LRMDA: variants seen among roughly 807,000 people sequenced by gnomAD.
LRMDA encodes the protein leucine rich melanocyte differentiation associated.
A neutral mutation model predicts 29.8 loss-of-function variants in LRMDA; 18 were observed. The ratio of observed to expected loss-of-function variants is 0.60; its 90% CI spans 0.42 to 0.90. The LOEUF is 0.90. Among genes scored for constraint, LRMDA ranks in the 40% least tolerant of loss-of-function variants. LRMDA has a pLI of 0.00. For synonymous variants in LRMDA, 125 were observed against 109.4 expected, an observed-to-expected ratio of 1.14 and a Z score of -0.89; for missense variants, 273 against 273.9, an observed-to-expected ratio of 1.00 and a Z score of 0.02.
intron 5 of LRMDA, among the ~76,000 whole-genome samples, chr10:76,087,067 T>A (rs781419968): frequency 4.6e-5 from 7 of 152,048 alleles, no homozygotes; most frequent in Non-Finnish European, 1.0e-4. Flanking sequence ...TCTTGGAAAA[T>A]CATCTCCCAG....
chr10:76,221,253 T>G (rs1176598533), intron 5 of LRMDA, among the ~76,000 whole-genome samples: 1 of 152,120 alleles, frequency 6.6e-6, no homozygotes. Flanking sequence ...TTCAACATAG[T>G]GTTGGAAGTT....
intron 2 of LRMDA, among the ~76,000 whole-genome samples, chr10:75,546,980 GA>G (rs1840088577): frequency 6.6e-6 from 1 of 152,152 alleles, no homozygotes; most frequent in Non-Finnish European, 1.5e-5. Context: ...GTGGAGCTAG[GA>G]TTGGCTCCAA....
chr10:76,466,634 A>C (rs1842567173), intron 6 of LRMDA, among the ~76,000 whole-genome samples: 1 of 152,076 alleles, frequency 6.6e-6, no homozygotes, highest in African/African-American at 2.4e-5. Flanking sequence ...CTACTCTACA[A>C]AAAGGACAAA....
intron 6 of LRMDA, among the ~76,000 whole-genome samples, chr10:76,334,864 A>C (rs1198010559): frequency 6.6e-6 from 1 of 152,180 alleles, no homozygotes; most frequent in Non-Finnish European, 1.5e-5. Flanking sequence ...TAGGAGATGA[A>C]AAAGAAGCTG....
At chr10:76,307,288 T>C (rs536815489) in intron 5 of LRMDA, among the ~76,000 whole-genome samples, 13 of 152,150 alleles carry the variant, frequency 8.5e-5, no homozygotes, top group Non-Finnish European at 1.2e-4. Context: ...GGGGAGGGTT[T>C]TCTGGAGGTG....
intron 5 of LRMDA, among the ~76,000 whole-genome samples, chr10:76,132,467 G>A (rs1197324278): frequency 1.3e-5 from 2 of 152,062 alleles, no homozygotes; most frequent in African/African-American, 2.4e-5. Flanking sequence ...ATATTCATAC[G>A]AATGACCCTA....
At chr10:75,605,184 A>G (rs147336482) in intron 2 of LRMDA, among the ~76,000 whole-genome samples, 18 of 152,352 alleles carry the variant, frequency 1.2e-4, no homozygotes, top group African/African-American at 2.2e-4. Flanking sequence ...GACTGGGAAT[A>G]TAGAGACTTG....
At chr10:76,142,829 T>G (rs1033305395) in intron 5 of LRMDA, among the ~76,000 whole-genome samples, 1 of 151,560 alleles carries the variant, frequency 6.6e-6, no homozygotes, top group Non-Finnish European at 1.5e-5. Flanking sequence ...CTCCTAATGC[T>G]ATCCTTCCCC....
intron 2 of LRMDA, among the ~76,000 whole-genome samples, chr10:75,690,994 T>TACAC (rs3041682): frequency 0.032 from 3,179 of 99,950 alleles, 63 homozygotes; most frequent in East Asian, 0.061. Flanking sequence ...TATATATATA[T>TACAC]ACACACACAC....
intron 5 of LRMDA, among the ~76,000 whole-genome samples, chr10:76,220,710 C>T (rs1039562622): frequency 6.6e-6 from 1 of 152,214 alleles, no homozygotes; most frequent in Non-Finnish European, 1.5e-5. Flanking sequence ...GAACTGGTAC[C>T]ATTCCTTCTG....
intron 2 of LRMDA, among the ~76,000 whole-genome samples, chr10:75,509,208 C>G (rs759773482): frequency 9.2e-5 from 14 of 152,066 alleles, no homozygotes; most frequent in Non-Finnish European, 1.8e-4. Flanking sequence ...CTACCCCGTT[C>G]GTGGTGCAGT....
rs56145957 is a variant in LRMDA, at chr10:76,091,276, C to CGTGTGTGT, written c.516+32528_516+32535dup. 1.1e-3 allele frequency among the ~76,000 whole-genome samples: 158 copies of CGTGTGTGT among 146,904 alleles called. 1 individual carries two copies. The South Asian group carries it at 0.012, about 11-fold the overall frequency. On this transcript the variant is annotated intron_variant, in intron 5 of 6. Coordinates refer to ENST00000611255, the MANE Select transcript of LRMDA (RefSeq NM_001305581.2). ...GTTCTCCTGAAATAAACATGGTGGA[C>CGTGTGTGT]GTGTGTGTGTGTGTGTGTGTGTGTG...
intron 2 of LRMDA, among the ~76,000 whole-genome samples, chr10:75,503,086 A>G (rs1845132778): frequency 2.0e-5 from 3 of 152,192 alleles, no homozygotes; most frequent in Non-Finnish European, 4.4e-5. Context: ...AGCCTTTTTA[A>G]TGCTCACCAT....
chr10:75,976,061 T>G (rs80177106), intron 2 of LRMDA, among the ~76,000 whole-genome samples: 237 of 152,362 alleles, frequency 1.6e-3, no homozygotes, highest in African/African-American at 5.4e-3. Context: ...GTCACTCTCT[T>G]GCTGAATTCC....
At chr10:76,484,803 C>T (rs1243523452) in intron 6 of LRMDA, among the ~76,000 whole-genome samples, 5 of 151,450 alleles carry the variant, frequency 3.3e-5, no homozygotes, top group African/African-American at 1.2e-4. Context: ...TACTTTTTTG[C>T]CTCATGTATT....
At chr10:76,296,257 TAATA>T (rs894254855) in intron 5 of LRMDA, among the ~76,000 whole-genome samples, 1 of 152,220 alleles carries the variant, frequency 6.6e-6, no homozygotes, top group African/African-American at 2.4e-5. Flanking sequence ...TTCTAAACCC[TAATA>T]ACCCCTTGTC....
chr10:75,550,111 G>A (rs750843459), intron 2 of LRMDA, among the ~76,000 whole-genome samples: 5 of 152,148 alleles, frequency 3.3e-5, no homozygotes, highest in Admixed American at 6.6e-5. Context: ...CATTTGCTCA[G>A]AAACTAGTCT....
At chr10:76,383,848 G>C (rs2132475084) in intron 6 of LRMDA, among the ~76,000 whole-genome samples, 1 of 152,284 alleles carries the variant, frequency 6.6e-6, no homozygotes, top group South Asian at 2.1e-4. Context: ...TCTCCTCAGA[G>C]AGGTCTTCTG....
intron 2 of LRMDA, among the ~76,000 whole-genome samples, chr10:75,533,215 C>A (rs958759481): frequency 6.6e-6 from 1 of 152,172 alleles, no homozygotes; most frequent in African/African-American, 2.4e-5. Flanking sequence ...AGGAGTTGGA[C>A]TACATAAAAG....
Sources: gnomAD v4.1 joint callset for allele counts (sites outside exome capture counted in the v4.1 genomes callset) on GRCh38, gnomAD v4.1.1 for gene constraint, MANE v1.5 for transcripts, NCBI Gene and HGNC (gene_info 2026-07-23, HGNC 2026-07-21) for gene names.